C3orf70: variants seen among roughly 807,000 people sequenced by gnomAD.
The protein encoded by C3orf70 is chromosome 3 open reading frame 70.
A neutral mutation model predicts 20.7 loss-of-function variants in C3orf70; 15 were observed. The observed-to-expected ratio is 0.72, with a 90% CI of 0.48 to 1.11. C3orf70 has a LOEUF of 1.11. Among genes scored for constraint, C3orf70 ranks in the 50% most tolerant of loss-of-function variants. C3orf70 has a pLI of 0.00. For missense variants in C3orf70, 332 were observed against 317.6 expected, an observed-to-expected ratio of 1.05 and a Z score of -0.34; for synonymous variants, 161 against 125.7, an observed-to-expected ratio of 1.28 and a Z score of -1.88.
chr3:185,107,385 C>T (rs903353793), intron 1 of C3orf70, among the ~76,000 whole-genome samples: 1 of 152,058 alleles, frequency 6.6e-6, no homozygotes, highest in Admixed American at 6.5e-5. Flanking sequence ...ATTATATAGC[C>T]CTCAAAGGCA....
intron 1 of C3orf70, among the ~76,000 whole-genome samples, chr3:185,125,118 G>A (rs143064088): frequency 1.1e-3 from 162 of 152,242 alleles, no homozygotes; most frequent in African/African-American, 3.7e-3. Flanking sequence ...AGTGGCTCAC[G>A]CCTGCAATCC....
At chr3:185,120,033 A>AAAAAAAAAAAAAAAAGAAAAAGAAAG (rs55921240) in intron 1 of C3orf70, among the ~76,000 whole-genome samples, 9 of 100,786 alleles carry the variant, frequency 8.9e-5, no homozygotes, top group African/African-American at 2.8e-4. Context: ...AAAAAAAAAA[A>AAAAAAAAAAAAAAAAGAAAAAGAAAG]AAAAAGAAAA....
In C3orf70 at chr3:185,152,745, T is replaced by A; in HGVS notation, c.79A>T (p.Ser27Cys). The A allele has an allele frequency of 6.3e-7, 1 of 1,593,928 alleles. No homozygotes were observed. The highest frequency in any genetic ancestry group is 2.4e-5 in the East Asian group (1 of 42,208). The change falls in exon 1 of 2, where the codon AGT (serine) becomes TGT (cysteine). Residue 27 changes from serine (S) to cysteine (C), a missense_variant. By Grantham distance (112) the Ser-to-Cys change is moderately radical. Coordinates refer to ENST00000335012, the MANE Select transcript of C3orf70 (RefSeq NM_001025266.3). ...AAGTCGGGTCTGCGGGCGGCGCAAC[T>A]CCGCGCCAGGGCCTGAGCCTCATCT... ...KLDEAQALAR[S>C]CAARRPDFQP...
chr3:185,152,811 C>A lies in C3orf70; in HGVS notation c.13G>T (p.Ala5Ser). MSAA[A>S]SPASERGWKS... is the part of the protein sequence containing the mutation. ...CAACCCCGCTCCGACGCCGGCGAGGCCGCCGCACTCATTTCCTCTCCCTCC... is the reference window on the plus strand; with the variant it reads ...CAACCCCGCTCCGACGCCGGCGAGGACGCCGCACTCATTTCCTCTCCCTCC... The change falls in exon 1 of 2, where the codon GCC becomes TCC. Residue 5 changes from alanine (A) to serine (S), a missense_variant. Coordinates refer to ENST00000335012, the MANE Select transcript of C3orf70 (RefSeq NM_001025266.3). The A allele has an allele frequency of 6.4e-7, 1 of 1,560,688 alleles. No homozygotes were observed. Among genetic ancestry groups the A allele is most frequent in the Non-Finnish European group, 8.7e-7 (1 of 1,151,452 alleles).
rs558196193 is a variant in C3orf70, at chr3:185,152,566, G to C, written c.196+62C>G. The C allele has an allele frequency of 8.2e-6, 12 of 1,455,968 alleles. 1 individual carries two copies. The East Asian group carries it at 3.5e-4, about 43-fold the overall frequency. 90.2% of individuals were successfully genotyped at this position (1,455,968 alleles called of 1,614,324 possible). A position where few individuals can be genotyped will look rare whatever the true frequency, so the allele number is the denominator to read the frequency against. The stretch of plus-strand genomic sequence containing the variant: ...GCCGCAGAGTTCCGGCAGCGACCCC[G>C]GACGGCCCGGCGGGCGTCCCCCGGA... On this transcript the variant is annotated intron_variant, in intron 1 of 1. Coordinates refer to ENST00000335012, the MANE Select transcript of C3orf70 (RefSeq NM_001025266.3).
intron 1 of C3orf70, among the ~76,000 whole-genome samples, chr3:185,138,709 T>A (rs1279494534): frequency 6.6e-6 from 1 of 152,202 alleles, no homozygotes; most frequent in Non-Finnish European, 1.5e-5. Context: ...ATTCAAGATT[T>A]TTTTTAAAAC....
In C3orf70 at chr3:185,152,708, T is replaced by C; in HGVS notation, c.116A>G (p.Asp39Gly). 1 of 1,593,698 alleles carries C rather than the reference T, an allele frequency of 6.3e-7. No individual in the cohort carries two copies. Among genetic ancestry groups the C allele is most frequent in the Non-Finnish European group, 8.5e-7 (1 of 1,170,632 alleles). Residue 39 changes from aspartate (D) to glycine (G), a missense_variant, in exon 1 of 2, where the codon GAC (aspartate) becomes GGC (glycine). Coordinates refer to ENST00000335012, the MANE Select transcript of C3orf70 (RefSeq NM_001025266.3). ...GTGCGTGGCACAGATAGACAGCCCG[T>C]CGCACGGCTGGAAGTCGGGTCTGCG... ...AARRPDFQPC[D>G]GLSICATHSH...
chr3:185,090,372 G>A (rs140842610), intron 1 of C3orf70, among the ~76,000 whole-genome samples: 22 of 152,286 alleles, frequency 1.4e-4, no homozygotes, highest in African/African-American at 4.8e-4. Context: ...TCAGTTGTAC[G>A]CTTTGATTCT....
rs1561331051 is a variant in C3orf70, at chr3:185,091,955, ATATATATATTTT to A, written c.197-8404_197-8393del. Among the ~76,000 whole-genome samples, 25 of 9,268 alleles carry A rather than the reference ATATATATATTTT, an allele frequency of 2.7e-3. 1 individual carries two copies. The highest frequency in any genetic ancestry group is 9.1e-3 in the South Asian group (3 of 330). 6.1% of individuals were successfully genotyped at this position (9,268 alleles called of 152,430 possible). On this transcript the variant is annotated intron_variant, in intron 1 of 1. Transcript: ENST00000335012. ...TATATATATATATATATATATATAT[ATATATATATTTT>A]TTTTTTTTTTTAGTAGAGACAGGGT... is the stretch of plus-strand genomic sequence containing the variant.
At chr3:185,124,820 T>C (rs1280686150) in intron 1 of C3orf70, among the ~76,000 whole-genome samples, 1 of 152,060 alleles carries the variant, frequency 6.6e-6, no homozygotes, top group East Asian at 1.9e-4. Context: ...TTAAAAAAAA[T>C]TAAAAAGTTT....
intron 1 of C3orf70, among the ~76,000 whole-genome samples, chr3:185,119,733 A>C (rs1251344643): frequency 6.6e-6 from 1 of 150,656 alleles, no homozygotes; most frequent in East Asian, 2.0e-4. Flanking sequence ...GCTTTTAAAA[A>C]AATGAAAAAG....
chr3:185,116,811 C>T (rs1159348869), intron 1 of C3orf70, among the ~76,000 whole-genome samples: 2 of 149,650 alleles, frequency 1.3e-5, no homozygotes, highest in African/African-American at 2.5e-5. Context: ...CGGAGTCTTG[C>T]TCAGTGGCCC....
Position 185,083,545 on chromosome 3 carries a change from G to C in C3orf70, c.215C>G (p.Pro72Arg). ...TGGAAGCTGTTCCACAGGGGTCATAGGCTGATACATGTATTTGCCTGTGAA... is the reference window on the plus strand; with the variant it reads ...TGGAAGCTGTTCCACAGGGGTCATACGCTGATACATGTATTTGCCTGTGAA... ...GWCHCKYMYQ[P>R]MTPVEQLPST... is the part of the protein sequence containing the mutation. Residue 72 changes from proline (P) to arginine (R), a missense_variant, in exon 2 of 2, where the codon CCT becomes CGT. Coordinates refer to ENST00000335012, the MANE Select transcript of C3orf70 (RefSeq NM_001025266.3). 1.9e-6 allele frequency: 3 copies of C among 1,599,394 alleles called. No individual in the cohort carries two copies. Among genetic ancestry groups the C allele is most frequent in the Non-Finnish European group, 2.6e-6 (3 of 1,173,118 alleles).
At chr3:185,087,277 A>G (rs2108587054) in intron 1 of C3orf70, among the ~76,000 whole-genome samples, 1 of 152,352 alleles carries the variant, frequency 6.6e-6, no homozygotes, top group African/African-American at 2.4e-5. Context: ...AGAGAAAAAG[A>G]GAGCAAAAGG....
At position 185,079,280 on chromosome 3, in the gene C3orf70, CAAAAAAAAAAAA is replaced by C. The variant is rs60241057; in HGVS notation, c.*3715_*3726del. On this transcript the variant is annotated 3_prime_UTR_variant, in exon 2 of 2. Coordinates refer to ENST00000335012, the MANE Select transcript of C3orf70 (RefSeq NM_001025266.3). ...TGGGTGAAGGAGCGAGACTCTGTCT[CAAAAAAAAAAAA>C]AAAAAAAAAAAAGTAAAGCCACCAC... The C allele has an allele frequency of 4.0e-5, 2 of 50,632 alleles. No individual in the cohort carries two copies. Among genetic ancestry groups the C allele is most frequent in the Non-Finnish European group, 4.3e-5 (1 of 23,014 alleles). 3.1% of individuals were successfully genotyped at this position (50,632 alleles called of 1,614,324 possible). A position where few individuals can be genotyped will look rare whatever the true frequency, so the allele number is the denominator to read the frequency against.
At chr3:185,118,229 G>A (rs1266563931) in intron 1 of C3orf70, among the ~76,000 whole-genome samples, 4 of 152,208 alleles carry the variant, frequency 2.6e-5, no homozygotes, top group Non-Finnish European at 5.9e-5. Flanking sequence ...TCTTACTGGA[G>A]ATGGGACATG....
At chr3:185,142,890 G>A (rs566708982) in intron 1 of C3orf70, among the ~76,000 whole-genome samples, 3 of 152,072 alleles carry the variant, frequency 2.0e-5, no homozygotes, top group East Asian at 3.9e-4. Context: ...TCAGAATATA[G>A]GACATTCTCC....
intron 1 of C3orf70, among the ~76,000 whole-genome samples, chr3:185,122,015 C>T (rs1266435837): frequency 2.0e-5 from 3 of 149,168 alleles, no homozygotes; most frequent in South Asian, 4.3e-4. Flanking sequence ...AGGAGAATGG[C>T]GTGAACGCAG....
chr3:185,081,698 A>G lies in C3orf70; in HGVS notation c.*1309T>C, dbSNP rs942131193. 1 of 152,650 alleles carries G rather than the reference A, an allele frequency of 6.6e-6. No individual in the cohort carries two copies. Among genetic ancestry groups the G allele is most frequent in the South Asian group, 2.1e-4 (1 of 4,832 alleles). The allele number at this position is 152,650 out of a possible 1,614,324, so 9.5% of individuals were successfully genotyped here. ...AGAATTCTGAAGAGAGCTAAATAAG[A>G]AAGAATTAGTCACTATTTTGTGCAT... On this transcript the variant is annotated 3_prime_UTR_variant, in exon 2 of 2. Transcript: ENST00000335012.
Sources: gnomAD v4.1 joint callset for allele counts (sites outside exome capture counted in the v4.1 genomes callset) on GRCh38, gnomAD v4.1.1 for gene constraint, MANE v1.5 for transcripts, NCBI Gene and HGNC (gene_info 2026-07-23, HGNC 2026-07-21) for gene names.